C1orf21: variants seen among roughly 807,000 people sequenced by gnomAD.
C1orf21 encodes uncharacterized protein C1orf21.
In C1orf21, 3 loss-of-function variants were observed where a neutral mutation model predicts 18.7. That is an observed-to-expected ratio of 0.16 (90% CI 0.07 to 0.42). The LOEUF is 0.42. Ranked by LOEUF, C1orf21 falls within the 10% of genes least tolerant of loss-of-function variation. C1orf21 has a pLI of 0.99. For synonymous variants in C1orf21, 41 were observed against 46.4 expected (o/e 0.88, Z 0.47); for missense variants, 104 against 143.6 (o/e 0.72, Z 1.41).
In C1orf21 at chr1:184,591,846, C is replaced by T. The variant is rs181402640; in HGVS notation, c.266+1031C>T. Among the ~76,000 whole-genome samples the T allele has an allele frequency of 7.0e-4, 106 of 151,464 alleles. 1 individual carries two copies. Among genetic ancestry groups the T allele is most frequent in the African/African-American group, 2.3e-3 (95 of 41,296 alleles). On this transcript the variant is annotated intron_variant, in intron 4 of 5. Transcript: ENST00000235307. Reference sequence around the variant, plus strand: ...AAAGAAAATATAATGGGTAACTAAACTGTGGCATCTAAACTGTGGGAATAC... The same window carrying T: ...AAAGAAAATATAATGGGTAACTAAATTGTGGCATCTAAACTGTGGGAATAC...
intron 4 of C1orf21, among the ~76,000 whole-genome samples, chr1:184,591,522 A>G (rs893096778): frequency 4.6e-5 from 7 of 152,212 alleles, no homozygotes; most frequent in African/African-American, 9.7e-5. Context: ...CATTGAAAAT[A>G]TAGGTCGGGC....
intron 1 of C1orf21, among the ~76,000 whole-genome samples, chr1:184,440,639 A>G (rs187363983): frequency 6.6e-6 from 1 of 152,248 alleles, no homozygotes; most frequent in East Asian, 1.9e-4. Context: ...AAAGAAATTT[A>G]CTAAGAAGTT....
intron 3 of C1orf21, among the ~76,000 whole-genome samples, chr1:184,535,696 C>G (rs974781487): frequency 3.9e-5 from 6 of 152,170 alleles, no homozygotes; most frequent in African/African-American, 1.2e-4. Context: ...TGGATGTGTG[C>G]TTATTAAAGC....
At chr1:184,531,369 A>G (rs190165863) in intron 3 of C1orf21, among the ~76,000 whole-genome samples, 10 of 152,018 alleles carry the variant, frequency 6.6e-5, no homozygotes, top group African/African-American at 2.4e-4. Context: ...TATTTCTTGT[A>G]TCTATTTCTG....
intron 3 of C1orf21, among the ~76,000 whole-genome samples, chr1:184,571,213 C>T (rs546932933): frequency 8.4e-5 from 12 of 142,420 alleles, no homozygotes; most frequent in East Asian, 4.4e-4. Flanking sequence ...AGGAGAATGG[C>T]GTGAACCCGG....
intron 3 of C1orf21, among the ~76,000 whole-genome samples, chr1:184,568,944 A>T (rs1053379046): frequency 2.6e-5 from 4 of 152,232 alleles, no homozygotes; most frequent in African/African-American, 7.2e-5. Context: ...AGTACCTACC[A>T]CATTACCTAC....
chr1:184,539,488 A>T (rs1658612227), intron 3 of C1orf21, among the ~76,000 whole-genome samples: 1 of 152,160 alleles, frequency 6.6e-6, no homozygotes, highest in South Asian at 2.1e-4. Context: ...CCGTATCAGG[A>T]TAATGCTGAT....
intron 1 of C1orf21, among the ~76,000 whole-genome samples, chr1:184,411,416 CTTTTTTTTTTTT>C (rs1199251450): frequency 3.1e-5 from 3 of 95,680 alleles, no homozygotes; most frequent in Non-Finnish European, 5.7e-5. Flanking sequence ...TGGGTATTTC[CTTTTTTTTTTTT>C]TTTTTTTTTT....
intron 3 of C1orf21, among the ~76,000 whole-genome samples, chr1:184,582,768 C>A (rs1365566897): frequency 1.3e-5 from 2 of 152,186 alleles, no homozygotes; most frequent in Non-Finnish European, 2.9e-5. Flanking sequence ...AGTCGGCATC[C>A]TGAACATGGG....
intron 1 of C1orf21, among the ~76,000 whole-genome samples, chr1:184,422,975 A>G: frequency 6.6e-6 from 1 of 152,212 alleles, no homozygotes; most frequent in Non-Finnish European, 1.5e-5. Context: ...GGCATGTACT[A>G]CTAGGTTTTA....
In C1orf21 at chr1:184,624,863, A is replaced by G. The variant is rs567739865; in HGVS notation, c.*5307A>G. 1 of 152,354 alleles carries G rather than the reference A, an allele frequency of 6.6e-6. No homozygotes were observed. Among genetic ancestry groups the G allele is most frequent in the Non-Finnish European group, 1.5e-5 (1 of 68,038 alleles). The allele number at this position is 152,354 out of a possible 1,614,324, so 9.4% of individuals were successfully genotyped here. ...TCCTCTAAAGATGACTCATGTCTCCATAGCAACTGTTAAAGGTGCTGCCTA... is the reference window on the plus strand; with the variant it reads ...TCCTCTAAAGATGACTCATGTCTCCGTAGCAACTGTTAAAGGTGCTGCCTA... On this transcript the variant is annotated 3_prime_UTR_variant, in exon 6 of 6. Coordinates refer to ENST00000235307, the MANE Select transcript of C1orf21 (RefSeq NM_030806.4).
At chr1:184,550,938 A>C (rs1225075474) in intron 3 of C1orf21, among the ~76,000 whole-genome samples, 1 of 152,264 alleles carries the variant, frequency 6.6e-6, no homozygotes. Context: ...GAAATAAAAA[A>C]GAATTTTTTG....
In C1orf21 at chr1:184,410,667, T is replaced by A. The variant is rs531577146; in HGVS notation, c.-125+23299T>A. Among the ~76,000 whole-genome samples the A allele has an allele frequency of 7.3e-3, 234 of 31,980 alleles. 56 individuals carry two copies. In the African/African-American group the frequency reaches 0.093, roughly 13 times the overall value. The allele number at this position is 31,980 out of a possible 152,430, so 21.0% of individuals were successfully genotyped here. On this transcript the variant is annotated intron_variant, in intron 1 of 5. Coordinates refer to ENST00000235307, the MANE Select transcript of C1orf21 (RefSeq NM_030806.4). Reference sequence around the variant, plus strand: ...TATATATATATATATATATATATTTTTTTTTTTTTTTTTTGAGATGGAGTT... The same window carrying A: ...TATATATATATATATATATATATTTATTTTTTTTTTTTTTGAGATGGAGTT...
At chr1:184,488,115 T>G (rs933735506) in intron 2 of C1orf21, among the ~76,000 whole-genome samples, 1 of 152,234 alleles carries the variant, frequency 6.6e-6, no homozygotes, top group Non-Finnish European at 1.5e-5. Flanking sequence ...CATGTAATAC[T>G]TATCTCTTTT....
intron 3 of C1orf21, among the ~76,000 whole-genome samples, chr1:184,553,796 A>G (rs1418554022): frequency 1.3e-5 from 2 of 152,154 alleles, no homozygotes; most frequent in Admixed American, 6.5e-5. Context: ...TAGAAGAGAA[A>G]AGATCTTCCA....
chr1:184,618,522 A>T lies in C1orf21; in HGVS notation c.328-996A>T, dbSNP rs945109239. Among the ~76,000 whole-genome samples the T allele has an allele frequency of 1.1e-4, 17 of 152,304 alleles. No individual in the cohort carries two copies. In the East Asian group the frequency reaches 3.3e-3, roughly 29 times the overall value. ...AATGTAAAATATTTCTGTTATATAG[A>T]TAATGTGACCAAAAAACATGTAATA... On this transcript the variant is annotated intron_variant, in intron 5 of 5. Transcript: ENST00000235307.
At chr1:184,403,344 A>C (rs559001357) in intron 1 of C1orf21, among the ~76,000 whole-genome samples, 2 of 152,374 alleles carry the variant, frequency 1.3e-5, no homozygotes, top group Non-Finnish European at 2.9e-5. Context: ...AGACTAATAC[A>C]ATATGATTCT....
chr1:184,468,232 C>G (rs1315566465), intron 1 of C1orf21, among the ~76,000 whole-genome samples: 1 of 152,220 alleles, frequency 6.6e-6, no homozygotes, highest in Non-Finnish European at 1.5e-5. Flanking sequence ...TTTCCTTGAG[C>G]AGCTCTCTGC....
intron 3 of C1orf21, chr1:184,568,547 G>A: frequency 2.4e-6 from 1 of 422,332 alleles, no homozygotes; most frequent in South Asian, 1.8e-5. Context: ...AAGTCTTATG[G>A]TGAAAATATT....
Sources: allele counts gnomAD v4.1 joint callset (sites outside exome capture counted in the v4.1 genomes callset), GRCh38; gene constraint gnomAD v4.1.1; transcripts MANE v1.5; gene names NCBI Gene and HGNC (gene_info 2026-07-23, HGNC 2026-07-21).